The following RBFOX1 variants were observed in gnomAD, a reference collection of about 807,000 sequenced individuals.
RBFOX1 encodes the protein RNA binding fox-1 homolog 1.
RBFOX1 carries 8 observed loss-of-function variants against 57.7 expected under a neutral mutation model. The ratio of observed to expected loss-of-function variants is 0.14; its 90% CI spans 0.08 to 0.25. The LOEUF is 0.25. RBFOX1 is among the 10% of genes least tolerant of loss of function. The probability of loss-of-function intolerance (pLI) is 1.00; values close to 1 mark genes in which losing one functional copy is unlikely to be tolerated. For synonymous variants in RBFOX1, 326 were observed against 222.4 expected (o/e 1.47, Z -4.15); for missense variants, 611 against 548.5 (o/e 1.11, Z -1.14).
intron 4 of RBFOX1, among the ~76,000 whole-genome samples, chr16:7,173,093 C>G (rs2081017482): frequency 2.6e-5 from 4 of 152,118 alleles, no homozygotes; most frequent in South Asian, 2.1e-4. Flanking sequence ...AGAAGAAAGA[C>G]TAGGGTTTAG....
intron 4 of RBFOX1, among the ~76,000 whole-genome samples, chr16:7,065,015 C>A (rs7187725): frequency 0.63 from 95,288 of 151,950 alleles, 30,238 homozygotes; most frequent in South Asian, 0.79. Context: ...ATGGACGCAG[C>A]AATCCTCTAT....
intron 2 of RBFOX1, among the ~76,000 whole-genome samples, chr16:6,460,115 C>G (rs1229216997): frequency 6.7e-6 from 1 of 148,644 alleles, no homozygotes; most frequent in Admixed American, 6.8e-5. Context: ...TACAGCATTG[C>G]AGACTTGGCA....
At chr16:7,218,562 A>C (rs1190075558) in intron 4 of RBFOX1, among the ~76,000 whole-genome samples, 1 of 151,574 alleles carries the variant, frequency 6.6e-6, no homozygotes, top group Non-Finnish European at 1.5e-5. Context: ...GAAAGAGGTA[A>C]AAAGTTTTTT....
chr16:6,747,265 C>G (rs1036213609), intron 3 of RBFOX1, among the ~76,000 whole-genome samples: 3 of 152,096 alleles, frequency 2.0e-5, no homozygotes, highest in African/African-American at 7.2e-5. Context: ...ACAAATTAGC[C>G]TGGCATGGTG....
chr16:5,949,580 T>C (rs994656312), intron 4 of RBFOX1, among the ~76,000 whole-genome samples: 10 of 150,730 alleles, frequency 6.6e-5, no homozygotes, highest in Non-Finnish European at 1.2e-4. Flanking sequence ...AGATAATACA[T>C]TGCATTTGGT....
intron 2 of RBFOX1, among the ~76,000 whole-genome samples, chr16:6,492,976 G>C (rs756093891): frequency 6.6e-6 from 1 of 152,180 alleles, no homozygotes; most frequent in Non-Finnish European, 1.5e-5. Flanking sequence ...ACTAAGAGAG[G>C]GGCAGGGAAG....
At chr16:7,098,633 T>C (rs1033574911) in intron 4 of RBFOX1, among the ~76,000 whole-genome samples, 26 of 152,124 alleles carry the variant, frequency 1.7e-4, no homozygotes, top group African/African-American at 5.8e-4. Context: ...CTTATGGGGA[T>C]ATAGGACATT....
At chr16:5,627,640 G>A (rs1424837438) in intron 3 of RBFOX1, among the ~76,000 whole-genome samples, 4 of 152,094 alleles carry the variant, frequency 2.6e-5, no homozygotes, top group African/African-American at 9.7e-5. Context: ...CCCCAAAGTA[G>A]AAGTACAGTT....
intron 4 of RBFOX1, among the ~76,000 whole-genome samples, chr16:7,242,564 A>G (rs991483204): frequency 3.9e-5 from 6 of 152,330 alleles, no homozygotes; most frequent in African/African-American, 7.2e-5. Flanking sequence ...CAACTTGGAC[A>G]TGGGGAGGTC....
chr16:5,974,649 G>T (rs1211232428), intron 4 of RBFOX1, among the ~76,000 whole-genome samples: 3 of 151,860 alleles, frequency 2.0e-5, no homozygotes, highest in African/African-American at 7.3e-5. Flanking sequence ...CCCAACCCAG[G>T]TTTTATCTTT....
At chr16:6,679,147 C>CATTG (rs1478491438) in intron 3 of RBFOX1, among the ~76,000 whole-genome samples, 5 of 152,218 alleles carry the variant, frequency 3.3e-5, no homozygotes, top group Non-Finnish European at 1.5e-5. Context: ...AACTGAGGAA[C>CATTG]ATTGCAGTGT....
In RBFOX1 at chr16:7,523,427, G is replaced by A. The variant is rs376412305; in HGVS notation, c.270+5038G>A. On this transcript the variant is annotated intron_variant, in intron 5 of 15. Transcript: ENST00000550418. The stretch of plus-strand genomic sequence containing the variant: ...GCCTTCATTTTTTCCATGAATGGAG[G>A]CAGCATCATCAAAGGAAGGATTCCT... Among the ~76,000 whole-genome samples the A allele has an allele frequency of 5.9e-5, 9 of 152,320 alleles. No individual in the cohort carries two copies. The East Asian group carries it at 9.6e-4, about 16-fold the overall frequency.
chr16:6,433,578 G>A (rs1207669146), intron 2 of RBFOX1, among the ~76,000 whole-genome samples: 1 of 152,182 alleles, frequency 6.6e-6, no homozygotes, highest in African/African-American at 2.4e-5. Flanking sequence ...GTGGCTTAAA[G>A]CAAGAACCTT....
chr16:6,160,616 G>T (rs956634920), intron 1 of RBFOX1, among the ~76,000 whole-genome samples: 3 of 152,124 alleles, frequency 2.0e-5, no homozygotes, highest in African/African-American at 7.2e-5. Flanking sequence ...ATCTTCTCCT[G>T]TCTGTTCCCA....
intron 4 of RBFOX1, among the ~76,000 whole-genome samples, chr16:7,316,665 G>C (rs1270552048): frequency 1.3e-5 from 2 of 152,130 alleles, no homozygotes; most frequent in African/African-American, 4.8e-5. Flanking sequence ...TGAAGGAAAA[G>C]AGTGGGAGTT....
At chr16:6,929,826 C>G (rs1039577266) in intron 3 of RBFOX1, among the ~76,000 whole-genome samples, 1 of 152,000 alleles carries the variant, frequency 6.6e-6, no homozygotes, top group Non-Finnish European at 1.5e-5. Context: ...TGTTTTAATT[C>G]AAATATTAAA....
chr16:7,238,879 G>T (rs1266503424), intron 4 of RBFOX1, among the ~76,000 whole-genome samples: 1 of 152,128 alleles, frequency 6.6e-6, no homozygotes, highest in Non-Finnish European at 1.5e-5. Context: ...ACTTATACGT[G>T]AGAACATGCA....
At chr16:6,865,733 T>C (rs2059801536) in intron 3 of RBFOX1, among the ~76,000 whole-genome samples, 1 of 152,232 alleles carries the variant, frequency 6.6e-6, no homozygotes, top group Non-Finnish European at 1.5e-5. Flanking sequence ...TGCTATTTTA[T>C]CACCTTTCAC....
At chr16:6,925,567 G>A (rs1053481648) in intron 3 of RBFOX1, among the ~76,000 whole-genome samples, 9 of 151,830 alleles carry the variant, frequency 5.9e-5, no homozygotes, top group African/African-American at 2.2e-4. Flanking sequence ...CATAGCTCTA[G>A]CATTAAGACT....
Sources: allele counts gnomAD v4.1 joint callset (sites outside exome capture counted in the v4.1 genomes callset), GRCh38; gene constraint gnomAD v4.1.1; transcripts MANE v1.5; gene names NCBI Gene and HGNC (gene_info 2026-07-23, HGNC 2026-07-21).